The following ZNF407 variants were observed in gnomAD, a reference collection of about 807,000 sequenced individuals.
ZNF407 encodes zinc finger protein 407.
In ZNF407, 17 loss-of-function variants were observed where a neutral mutation model predicts 131.2. The ratio of observed to expected loss-of-function variants is 0.13; its 90% confidence interval spans 0.09 to 0.19. ZNF407 has a LOEUF of 0.19. Ranked by LOEUF, ZNF407 falls within the 10% of genes least tolerant of loss-of-function variation. ZNF407 has a pLI of 1.00. For synonymous variants in ZNF407, 1,156 were observed against 1,062.0 expected (o/e 1.09, Z -1.72); for missense variants, 2,681 against 2,830.6 (o/e 0.95, Z 1.20).
intron 4 of ZNF407, among the ~76,000 whole-genome samples, chr18:74,837,613 C>CTT (rs11445349): frequency 1.3e-5 from 2 of 148,298 alleles, no homozygotes; most frequent in African/African-American, 4.9e-5. Flanking sequence ...TGCTGAAGGG[C>CTT]TTTTTTTTTT....
intron 1 of ZNF407, among the ~76,000 whole-genome samples, chr18:74,627,063 G>A (rs1004700316): frequency 2.0e-5 from 3 of 152,170 alleles, no homozygotes; most frequent in African/African-American, 4.8e-5. Flanking sequence ...GCAGAAAGCC[G>A]GACTCACCTA....
chr18:75,034,615 T>C (rs1046614644), intron 8 of ZNF407, among the ~76,000 whole-genome samples: 1 of 151,890 alleles, frequency 6.6e-6, no homozygotes, highest in East Asian at 1.9e-4. Context: ...TTTTTTTTTT[T>C]AAATCAGGCT....
chr18:74,610,160 A>C (rs1353089919), intron 1 of ZNF407, among the ~76,000 whole-genome samples: 1 of 152,200 alleles, frequency 6.6e-6, no homozygotes, highest in East Asian at 1.9e-4. Context: ...TAAATATTTG[A>C]TGAATAAATG....
chr18:74,683,103 G>C (rs543232061), intron 3 of ZNF407, among the ~76,000 whole-genome samples: 1 of 152,122 alleles, frequency 6.6e-6, no homozygotes, highest in South Asian at 2.1e-4. Context: ...GTGAGGGCAG[G>C]GTAGAAAGCA....
chr18:74,828,078 G>A (rs1361337388), intron 4 of ZNF407, among the ~76,000 whole-genome samples: 14 of 152,112 alleles, frequency 9.2e-5, no homozygotes, highest in Non-Finnish European at 2.1e-4. Context: ...CTGCCTTTCT[G>A]CTCCATTCTG....
chr18:74,717,403 A>T (rs1967920535), intron 3 of ZNF407, among the ~76,000 whole-genome samples: 2 of 152,200 alleles, frequency 1.3e-5, no homozygotes, highest in Non-Finnish European at 2.9e-5. Context: ...GAGAGTGCAG[A>T]GACATGATAT....
intron 8 of ZNF407, among the ~76,000 whole-genome samples, chr18:74,934,174 A>G (rs1000848885): frequency 3.3e-5 from 5 of 152,222 alleles, no homozygotes; most frequent in Non-Finnish European, 7.3e-5. Context: ...GAAAAATTAT[A>G]ATTTTAGTGC....
chr18:75,064,424 G>A lies in ZNF407; in HGVS notation c.6703G>A (p.Ala2235Thr), dbSNP rs1343737759. ...YTQEGSSAAA[A>T]IQSQRESSEL... ...CCAGGAGGGCTCCTCGGCCGCGGCG[G>A]CAATTCAGAGCCAAAGAGAAAGCAG... Residue 2235 changes from alanine to threonine, a missense_variant, in exon 9 of 9, where the codon GCA (alanine) becomes ACA (threonine). Physicochemically the swap from Ala to Thr is moderately conservative, Grantham distance 58. This residue lies in a region of ZNF407 where 620 missense variants were observed against 583.1 expected (regional missense o/e 1.06). Transcript: ENST00000299687. The A allele has an allele frequency of 2.0e-6, 3 of 1,517,050 alleles. No individual in the cohort carries two copies. The highest frequency in any genetic ancestry group is 1.3e-5 in the South Asian group (1 of 78,872). 94.0% of individuals were successfully genotyped at this position (1,517,050 alleles called of 1,614,324 possible).
intron 8 of ZNF407, among the ~76,000 whole-genome samples, chr18:74,955,871 G>A (rs1972269812): frequency 6.6e-6 from 1 of 152,192 alleles, no homozygotes; most frequent in Non-Finnish European, 1.5e-5. Flanking sequence ...GTTCCTGTCT[G>A]TCTGTGCTGG....
chr18:74,603,352 A>G lies in ZNF407; in HGVS notation c.-54+5415A>G, dbSNP rs114583811. ...ATTGAAAAACCAATGCATGCACACA[A>G]CGAAAAATTGCAAATAGTACAGTGA... On this transcript the variant is annotated intron_variant, in intron 1 of 8. Transcript: ENST00000299687. 4.7e-3 allele frequency among the ~76,000 whole-genome samples: 718 copies of G among 152,342 alleles called. 8 individuals are homozygous for G. The highest frequency in any genetic ancestry group is 0.016 in the African/African-American group (656 of 41,572).
At chr18:74,758,673 C>T (rs10163739) in intron 3 of ZNF407, among the ~76,000 whole-genome samples, 19,485 of 152,058 alleles carry the variant, frequency 0.13, 2,145 homozygotes, top group African/African-American at 0.3. Flanking sequence ...TCACTGGAAC[C>T]TCTGTCTCCT....
At position 74,994,303 on chromosome 18, in the gene ZNF407, T is replaced by C. The variant is rs1036893190; in HGVS notation, c.5429-68847T>C. Among the ~76,000 whole-genome samples the C allele has an allele frequency of 3.9e-5, 6 of 152,146 alleles. 1 individual carries two copies. The highest frequency in any genetic ancestry group is 8.8e-5 in the Non-Finnish European group (6 of 68,032). Reference sequence around the variant, plus strand: ...ATGCTGTAAAACATTTACAATGAGATAAAAGTATAAGAGAGTAGTTCTTTG... The same window carrying C: ...ATGCTGTAAAACATTTACAATGAGACAAAAGTATAAGAGAGTAGTTCTTTG... On this transcript the variant is annotated intron_variant, in intron 8 of 8. Transcript: ENST00000299687.
At chr18:75,053,020 C>T (rs1973520483) in intron 8 of ZNF407, among the ~76,000 whole-genome samples, 2 of 152,174 alleles carry the variant, frequency 1.3e-5, no homozygotes, top group African/African-American at 4.8e-5. Flanking sequence ...GATAGTTTTC[C>T]TGTTTACGCC....
chr18:74,809,309 G>A (rs1232561300), intron 4 of ZNF407, among the ~76,000 whole-genome samples: 1 of 152,144 alleles, frequency 6.6e-6, no homozygotes, highest in Non-Finnish European at 1.5e-5. Context: ...AAAAGTTATT[G>A]TCACTCTCAG....
At chr18:74,829,827 T>A (rs1473563594) in intron 4 of ZNF407, among the ~76,000 whole-genome samples, 2 of 151,826 alleles carry the variant, frequency 1.3e-5, no homozygotes, top group African/African-American at 4.8e-5. Flanking sequence ...TTTTTTTTTA[T>A]TTACAAAATT....
chr18:74,635,850 TAA>T lies in ZNF407; in HGVS notation c.4687+145_4687+146del, dbSNP rs1984439123. The stretch of plus-strand genomic sequence containing the variant: ...CGTGTGCTGCTCTGCTTGTCTGCAA[TAA>T]GTCATTGTTGACACTTAACATTTTT... On this transcript the variant is annotated intron_variant, in intron 2 of 8. Coordinates refer to ENST00000299687, the MANE Select transcript of ZNF407 (RefSeq NM_017757.3). The surrounding 1 kb of genome is among the most constrained non-coding windows in gnomAD (Gnocchi z 4.7). The T allele has an allele frequency of 1.8e-6, 2 of 1,128,406 alleles. No homozygotes were observed. The highest frequency in any genetic ancestry group is 2.9e-5 in the Admixed American group (1 of 34,296). The allele number at this position is 1,128,406 out of a possible 1,614,324, so 69.9% of individuals were successfully genotyped here. A position where few individuals can be genotyped will look rare whatever the true frequency, so the allele number is the denominator to read the frequency against.
chr18:74,664,440 A>G (rs1290245643), intron 3 of ZNF407, among the ~76,000 whole-genome samples: 1 of 152,178 alleles, frequency 6.6e-6, no homozygotes. Context: ...GGTTGCAGTG[A>G]GCCGAGATTG....
At chr18:74,793,988 A>G (rs542524789) in intron 4 of ZNF407, among the ~76,000 whole-genome samples, 1 of 152,328 alleles carries the variant, frequency 6.6e-6, no homozygotes, top group South Asian at 2.1e-4. Flanking sequence ...CGTCTGAGAA[A>G]GAAATGTTGA....
chr18:74,929,645 G>T (rs893533887), intron 8 of ZNF407, among the ~76,000 whole-genome samples: 1 of 152,156 alleles, frequency 6.6e-6, no homozygotes, highest in Non-Finnish European at 1.5e-5. Context: ...TTTAGATGAG[G>T]AAACAAAGAT....
Sources: gnomAD v4.1 joint callset for allele counts (sites outside exome capture counted in the v4.1 genomes callset) on GRCh38, gnomAD v4.1.1 for gene constraint, gnomAD v4.1.1 regional missense constraint, Gnocchi (gnomAD v3.1) non-coding constraint, MANE v1.5 for transcripts, NCBI Gene and HGNC (gene_info 2026-07-23, HGNC 2026-07-21) for gene names.